Variants in ROBO2 observed in about 807,000 individuals in gnomAD.
ROBO2 encodes the protein roundabout homolog 2.
In ROBO2, 53 loss-of-function variants were observed where a neutral mutation model predicts 160.8. That is an observed-to-expected ratio of 0.33 (90% confidence interval 0.26 to 0.41). The LOEUF is 0.41. Among genes scored for constraint, ROBO2 ranks in the 10% least tolerant of loss-of-function variants. The pLI, the probability that ROBO2 is intolerant of heterozygous loss-of-function variation, is 1.00. For missense variants in ROBO2, 1,577 were observed against 1,722.4 expected, an observed-to-expected ratio of 0.92 and a Z score of 1.49; for synonymous variants, 664 against 611.7, an observed-to-expected ratio of 1.09 and a Z score of -1.26.
intron 1 of ROBO2, among the ~76,000 whole-genome samples, chr3:75,912,875 G>GGAA (rs1463940941): frequency 2.6e-5 from 4 of 152,092 alleles, no homozygotes; most frequent in Non-Finnish European, 5.9e-5. Context: ...CCTTAAGTTT[G>GGAA]TCACTATTGC....
At chr3:76,846,592 T>C (rs2068792151) in intron 2 of ROBO2, among the ~76,000 whole-genome samples, 1 of 152,176 alleles carries the variant, frequency 6.6e-6, no homozygotes, top group African/African-American at 2.4e-5. Context: ...AATTACTCGA[T>C]AACGTTGTCT....
intron 2 of ROBO2, among the ~76,000 whole-genome samples, chr3:76,769,182 T>C (rs2061739487): frequency 6.6e-6 from 1 of 151,408 alleles, no homozygotes; most frequent in Admixed American, 6.6e-5. Flanking sequence ...GCTCAAAGTA[T>C]AGTAAGATCT....
intron 2 of ROBO2, among the ~76,000 whole-genome samples, chr3:77,475,746 G>C (rs1312574140): frequency 1.3e-5 from 2 of 152,184 alleles, no homozygotes; most frequent in Non-Finnish European, 2.9e-5. Flanking sequence ...CTCCCTGGAG[G>C]ATTTACCTGC....
At chr3:76,643,011 G>C (rs1226817783) in intron 2 of ROBO2, among the ~76,000 whole-genome samples, 1 of 152,162 alleles carries the variant, frequency 6.6e-6, no homozygotes, top group African/African-American at 2.4e-5. Flanking sequence ...ATGCAAAGAA[G>C]GCTTCAGGTG....
At chr3:76,166,675 A>G (rs1215635062) in intron 2 of ROBO2, among the ~76,000 whole-genome samples, 2 of 152,148 alleles carry the variant, frequency 1.3e-5, no homozygotes, top group East Asian at 1.9e-4. Context: ...TAAATCACAT[A>G]TAAAAAAAAA....
chr3:76,189,184 C>T (rs1271794602), intron 2 of ROBO2, among the ~76,000 whole-genome samples: 2 of 151,980 alleles, frequency 1.3e-5, no homozygotes, highest in Non-Finnish European at 2.9e-5. Flanking sequence ...GCATCTCTAT[C>T]TAACTAAAAT....
At chr3:77,125,014 A>G (rs75253179) in intron 2 of ROBO2, among the ~76,000 whole-genome samples, 6,177 of 151,996 alleles carry the variant, frequency 0.041, 194 homozygotes, top group East Asian at 0.099. Context: ...ATATGATTAT[A>G]TCCTCATATT....
intron 2 of ROBO2, among the ~76,000 whole-genome samples, chr3:76,121,988 A>T (rs981964743): frequency 3.3e-5 from 5 of 152,202 alleles, no homozygotes; most frequent in Admixed American, 2.6e-4. Context: ...TAAATTAGTC[A>T]TGATACTTGT....
chr3:76,466,380 C>G (rs1164516097), intron 2 of ROBO2, among the ~76,000 whole-genome samples: 2 of 151,790 alleles, frequency 1.3e-5, no homozygotes, highest in Admixed American at 6.6e-5. Context: ...GTGTTTCATG[C>G]CACTTTCAAA....
At chr3:76,733,729 A>C (rs1051235398) in intron 2 of ROBO2, among the ~76,000 whole-genome samples, 1 of 152,144 alleles carries the variant, frequency 6.6e-6, no homozygotes, top group Non-Finnish European at 1.5e-5. Context: ...TTCATGTGGG[A>C]ATTTTTTTTG....
intron 2 of ROBO2, among the ~76,000 whole-genome samples, chr3:76,431,188 G>A (rs964764628): frequency 1.1e-4 from 16 of 151,880 alleles, no homozygotes; most frequent in African/African-American, 1.9e-4. Flanking sequence ...AAATATAACC[G>A]CATCTTTGGT....
chr3:76,933,679 T>C (rs1397387259), intron 2 of ROBO2, among the ~76,000 whole-genome samples: 1 of 152,202 alleles, frequency 6.6e-6, no homozygotes, highest in Non-Finnish European at 1.5e-5. Flanking sequence ...ATACATTATG[T>C]ATATATTTTA....
chr3:77,442,775 G>T (rs1330803566), intron 2 of ROBO2, among the ~76,000 whole-genome samples: 2 of 152,166 alleles, frequency 1.3e-5, no homozygotes, highest in Non-Finnish European at 2.9e-5. Context: ...CGCTAAATCA[G>T]AATCTTCTCT....
intron 2 of ROBO2, among the ~76,000 whole-genome samples, chr3:76,275,924 G>C (rs772809090): frequency 3.9e-5 from 6 of 151,912 alleles, no homozygotes; most frequent in African/African-American, 1.4e-4. Flanking sequence ...GAACTCGGAG[G>C]GGGGGAGCAC....
At chr3:77,590,908 C>A (rs560433299) in intron 17 of ROBO2, among the ~76,000 whole-genome samples, 1 of 151,986 alleles carries the variant, frequency 6.6e-6, no homozygotes, top group Admixed American at 6.6e-5. Context: ...ATTGTTATTG[C>A]TACTCATCTG....
At chr3:77,170,284 T>C (rs541008771) in intron 2 of ROBO2, among the ~76,000 whole-genome samples, 15 of 152,294 alleles carry the variant, frequency 9.8e-5, no homozygotes, top group Non-Finnish European at 1.5e-4. Flanking sequence ...AGTTATTGGG[T>C]ATACAACTAA....
At chr3:77,105,471 G>A (rs2072668083) in intron 2 of ROBO2, among the ~76,000 whole-genome samples, 1 of 152,114 alleles carries the variant, frequency 6.6e-6, no homozygotes, top group Non-Finnish European at 1.5e-5. Context: ...CTAGCTCCAG[G>A]TACTTCACAG....
chr3:76,098,404 A>G (rs980717692), intron 2 of ROBO2, among the ~76,000 whole-genome samples: 11 of 152,262 alleles, frequency 7.2e-5, no homozygotes, highest in African/African-American at 1.9e-4. Context: ...TATTTTTGAT[A>G]TCTACAACAT....
intron 2 of ROBO2, among the ~76,000 whole-genome samples, chr3:76,130,828 A>G (rs2106670212): frequency 6.6e-6 from 1 of 152,334 alleles, no homozygotes; most frequent in East Asian, 1.9e-4. Flanking sequence ...TTAGTAAATC[A>G]CACTGTTGAA....
Sources: gnomAD v4.1 joint callset for allele counts (sites outside exome capture counted in the v4.1 genomes callset) on GRCh38, gnomAD v4.1.1 for gene constraint, MANE v1.5 for transcripts, NCBI Gene and HGNC (gene_info 2026-07-23, HGNC 2026-07-21) for gene names.